LUZP2: variants seen among roughly 807,000 people sequenced by gnomAD.
The protein encoded by LUZP2 is leucine zipper protein 2.
LUZP2 carries 52 observed loss-of-function variants against 51.6 expected under a neutral mutation model. The observed-to-expected ratio is 1.01, with a 90% CI of 0.81 to 1.27. The LOEUF is 1.27. Among genes scored for constraint, LUZP2 ranks in the 50% most tolerant of loss-of-function variants. LUZP2 has a pLI of 0.00. For missense variants in LUZP2, 436 were observed against 395.4 expected, an observed-to-expected ratio of 1.10 and a Z score of -0.87; for synonymous variants, 154 against 137.3, an observed-to-expected ratio of 1.12 and a Z score of -0.85.
intron 7 of LUZP2, among the ~76,000 whole-genome samples, chr11:24,924,049 C>T (rs1011905130): frequency 5.3e-5 from 8 of 151,634 alleles, no homozygotes; most frequent in Non-Finnish European, 1.2e-4. Flanking sequence ...CAACTGCTTG[C>T]CCCCCCACAC....
intron 9 of LUZP2, among the ~76,000 whole-genome samples, chr11:25,025,494 C>T (rs1484980947): frequency 2.6e-5 from 4 of 152,128 alleles, no homozygotes; most frequent in African/African-American, 9.7e-5. Flanking sequence ...AGGATATGAA[C>T]AGACACTTCT....
At chr11:24,736,257 A>C (rs1030882160) in intron 3 of LUZP2, among the ~76,000 whole-genome samples, 54 of 152,080 alleles carry the variant, frequency 3.6e-4, no homozygotes, top group African/African-American at 1.2e-3. Flanking sequence ...ATACATACTC[A>C]TTGTCATTTT....
chr11:24,978,366 A>T (rs1855937651), intron 8 of LUZP2, among the ~76,000 whole-genome samples: 1 of 151,748 alleles, frequency 6.6e-6, no homozygotes, highest in Non-Finnish European at 1.5e-5. Context: ...CAAGTAGGCC[A>T]CCTTTGTTTT....
intron 7 of LUZP2, among the ~76,000 whole-genome samples, chr11:24,956,710 A>C (rs941900266): frequency 1.3e-5 from 2 of 152,098 alleles, no homozygotes; most frequent in African/African-American, 4.8e-5. Flanking sequence ...AAGGAAGAAC[A>C]ATAAGAGAAG....
intron 7 of LUZP2, among the ~76,000 whole-genome samples, chr11:24,916,383 T>C (rs1012127736): frequency 4.6e-5 from 7 of 152,168 alleles, no homozygotes; most frequent in Non-Finnish European, 1.0e-4. Context: ...ATGTTCACAA[T>C]GTGCAAGTTT....
rs975126833 is a variant in LUZP2 at position 25,082,122 on chromosome 11, C to G, written c.*3464C>G. The G allele has an allele frequency of 2.0e-5, 3 of 152,522 alleles. No homozygotes were observed. Among genetic ancestry groups the G allele is most frequent in the African/African-American group, 7.2e-5 (3 of 41,416 alleles). 9.4% of individuals were successfully genotyped at this position (152,522 alleles called of 1,614,324 possible). ...CAGTCATTCATCTGGATGTAGTTTT[C>G]TGTGTAATCTCAAATATCTGAATAT... is the stretch of plus-strand genomic sequence containing the variant. On this transcript the variant is annotated 3_prime_UTR_variant, in exon 12 of 12. Coordinates refer to ENST00000336930, the MANE Select transcript of LUZP2 (RefSeq NM_001009909.4).
At chr11:24,937,879 C>A (rs555861785) in intron 7 of LUZP2, among the ~76,000 whole-genome samples, 1 of 145,356 alleles carries the variant, frequency 6.9e-6, no homozygotes, top group Non-Finnish European at 1.5e-5. Flanking sequence ...CCAGCCTGGG[C>A]GACAGGGCAA....
At chr11:24,536,526 C>T (rs1024188858) in intron 1 of LUZP2, among the ~76,000 whole-genome samples, 6 of 151,928 alleles carry the variant, frequency 3.9e-5, no homozygotes, top group Non-Finnish European at 5.9e-5. Context: ...ATCTTATGAA[C>T]CAAACTCTGC....
intron 10 of LUZP2, among the ~76,000 whole-genome samples, chr11:25,061,193 C>T (rs995091287): frequency 2.0e-5 from 3 of 152,150 alleles, no homozygotes; most frequent in Admixed American, 6.6e-5. Flanking sequence ...CTAGAGACAT[C>T]ACAGGATTAG....
intron 5 of LUZP2, among the ~76,000 whole-genome samples, chr11:24,778,392 G>T (rs1196017512): frequency 1.4e-5 from 2 of 146,292 alleles, no homozygotes; most frequent in African/African-American, 2.6e-5. Flanking sequence ...TCCAGCCTAG[G>T]CAACAGAGCA....
At chr11:24,639,721 G>A (rs535486219) in intron 1 of LUZP2, among the ~76,000 whole-genome samples, 5 of 151,948 alleles carry the variant, frequency 3.3e-5, no homozygotes, top group Admixed American at 6.5e-5. Flanking sequence ...AAAGTGCTGG[G>A]ATTACAGGCG....
At chr11:25,005,120 A>AC (rs1252758125) in intron 9 of LUZP2, among the ~76,000 whole-genome samples, 1 of 151,892 alleles carries the variant, frequency 6.6e-6, no homozygotes, top group Non-Finnish European at 1.5e-5. Flanking sequence ...CAAATTCCCC[A>AC]CCCCCTACAG....
chr11:24,733,238 A>T (rs1383210459), intron 3 of LUZP2, among the ~76,000 whole-genome samples: 1 of 151,836 alleles, frequency 6.6e-6, no homozygotes, highest in Non-Finnish European at 1.5e-5. Context: ...TATTTATTTA[A>T]TGTGAAATTC....
chr11:24,774,381 T>TATATACACAC lies in LUZP2; in HGVS notation c.396+11074_396+11075insTATACACACA, dbSNP rs1184772523. Reference sequence around the variant, plus strand: ...CTCTCTCTATATATATATATATATATACATACACACACACATATTTATAAA... The same window carrying TATATACACAC: ...CTCTCTCTATATATATATATATATATATATACACACACATACACACACACATATTTATAAA... On this transcript the variant is annotated intron_variant, in intron 5 of 11. Transcript: ENST00000336930. Among the ~76,000 whole-genome samples the TATATACACAC allele has an allele frequency of 4.3e-5, 4 of 93,976 alleles. No homozygotes were observed. In the South Asian group the frequency reaches 1.1e-3, roughly 26 times the overall value. 61.7% of individuals were successfully genotyped at this position (93,976 alleles called of 152,430 possible). A position where few individuals can be genotyped will look rare whatever the true frequency, so the allele number is the denominator to read the frequency against.
intron 6 of LUZP2, among the ~76,000 whole-genome samples, chr11:24,906,418 G>T (rs939061402): frequency 1.9e-4 from 29 of 150,212 alleles, no homozygotes; most frequent in Admixed American, 1.1e-3. Context: ...ACAAAGTTTT[G>T]CAGTGGCAAG....
At chr11:24,826,190 A>AT (rs1554916354) in intron 5 of LUZP2, among the ~76,000 whole-genome samples, 31 of 67,546 alleles carry the variant, frequency 4.6e-4, no homozygotes, top group African/African-American at 1.5e-3. Context: ...AAAAAAAAAA[A>AT]ATATATATAT....
At chr11:24,600,041 G>C (rs759996564) in intron 1 of LUZP2, among the ~76,000 whole-genome samples, 2 of 151,964 alleles carry the variant, frequency 1.3e-5, no homozygotes, top group Non-Finnish European at 2.9e-5. Flanking sequence ...CTAACACCTG[G>C]TACCTGTGAA....
At chr11:24,516,138 A>C (rs1406256800) in intron 1 of LUZP2, among the ~76,000 whole-genome samples, 4 of 152,182 alleles carry the variant, frequency 2.6e-5, no homozygotes, top group Non-Finnish European at 4.4e-5. Flanking sequence ...GAAAATAATC[A>C]ATCTCGAAGA....
At chr11:24,842,462 C>T (rs1023146583) in intron 5 of LUZP2, among the ~76,000 whole-genome samples, 1 of 151,698 alleles carries the variant, frequency 6.6e-6, no homozygotes, top group Admixed American at 6.6e-5. Flanking sequence ...GAAAAAAAGT[C>T]TTTAGCAATG....
Sources: allele counts gnomAD v4.1 joint callset (sites outside exome capture counted in the v4.1 genomes callset), GRCh38; gene constraint gnomAD v4.1.1; transcripts MANE v1.5; gene names NCBI Gene and HGNC (gene_info 2026-07-23, HGNC 2026-07-21).